The following WWOX variants were observed in gnomAD, a reference collection of about 807,000 sequenced individuals.
WWOX encodes WW domain containing oxidoreductase.
In WWOX, 69 loss-of-function variants were observed where a neutral mutation model predicts 46.2. The ratio of observed to expected loss-of-function variants is 1.49; its 90% CI spans 1.23 to 1.82. WWOX has a LOEUF of 1.82. Among genes scored for constraint, WWOX ranks in the 40% most tolerant of loss-of-function variants. WWOX has a pLI of 0.00. For synonymous variants in WWOX, 359 were observed against 202.6 expected (o/e 1.77, Z -6.56); for missense variants, 919 against 542.6 (o/e 1.69, Z -6.89).
intron 8 of WWOX, among the ~76,000 whole-genome samples, chr16:78,497,117 A>AGTT (rs1476979010): frequency 6.6e-6 from 1 of 152,232 alleles, no homozygotes; most frequent in Non-Finnish European, 1.5e-5. Context: ...ATAAAACAAC[A>AGTT]GATGACCTTC....
At chr16:78,450,151 C>G (rs2083659163) in intron 8 of WWOX, among the ~76,000 whole-genome samples, 1 of 152,228 alleles carries the variant, frequency 6.6e-6, no homozygotes, top group African/African-American at 2.4e-5. Context: ...AATAAAGTAT[C>G]TAATTTAGCA....
intron 8 of WWOX, among the ~76,000 whole-genome samples, chr16:78,990,329 C>G (rs1411544442): frequency 6.6e-6 from 1 of 152,110 alleles, no homozygotes; most frequent in African/African-American, 2.4e-5. Flanking sequence ...ATGGGCTCTG[C>G]AAGATCCTCC....
intron 5 of WWOX, among the ~76,000 whole-genome samples, chr16:78,226,721 G>T (rs1030735198): frequency 6.6e-6 from 1 of 152,014 alleles, no homozygotes. Flanking sequence ...GGTAATAGAC[G>T]CCGGCATGGC....
chr16:78,940,773 T>C (rs1567663940), intron 8 of WWOX, among the ~76,000 whole-genome samples: 1 of 152,054 alleles, frequency 6.6e-6, no homozygotes, highest in East Asian at 1.9e-4. Flanking sequence ...AAGTCCCTGT[T>C]TGTTATCTTA....
intron 5 of WWOX, among the ~76,000 whole-genome samples, chr16:78,354,631 C>T (rs2081248495): frequency 6.6e-6 from 1 of 152,090 alleles, no homozygotes; most frequent in East Asian, 1.9e-4. Context: ...TTCTGAATTC[C>T]TTATTATATT....
intron 8 of WWOX, among the ~76,000 whole-genome samples, chr16:78,876,417 C>G (rs1234745677): frequency 2.0e-5 from 3 of 151,204 alleles, no homozygotes; most frequent in Non-Finnish European, 4.4e-5. Context: ...ATGACAGAAA[C>G]TCACCAGTTC....
At chr16:78,278,774 C>A in intron 5 of WWOX, 1 of 913,694 alleles carries the variant, frequency 1.1e-6, no homozygotes. Flanking sequence ...CAGACATGTA[C>A]GATTTGCAAC....
intron 8 of WWOX, among the ~76,000 whole-genome samples, chr16:78,776,319 G>T (rs1174913899): frequency 6.6e-6 from 1 of 152,146 alleles, no homozygotes; most frequent in Non-Finnish European, 1.5e-5. Context: ...CAGTGGCTGG[G>T]ATAGGACCTT....
intron 8 of WWOX, among the ~76,000 whole-genome samples, chr16:78,659,977 G>T (rs959521397): frequency 6.6e-6 from 1 of 152,124 alleles, no homozygotes; most frequent in African/African-American, 2.4e-5. Flanking sequence ...CCCAGTAATT[G>T]TAGGGCTCAT....
chr16:78,199,743 A>T (rs80027136), intron 5 of WWOX, among the ~76,000 whole-genome samples: 1 of 152,128 alleles, frequency 6.6e-6, no homozygotes, highest in African/African-American at 2.4e-5. Context: ...CATAAAAAAA[A>T]TCACATTTGT....
rs1473869382 is a variant in WWOX, at chr16:79,085,321, T to C, written c.1057-126287T>C. Among the ~76,000 whole-genome samples the C allele has an allele frequency of 3.9e-5, 6 of 152,234 alleles. No homozygotes were observed. In the East Asian group the frequency reaches 1.2e-3, roughly 29 times the overall value. On this transcript the variant is annotated intron_variant, in intron 8 of 8. Coordinates refer to ENST00000566780, the MANE Select transcript of WWOX (RefSeq NM_016373.4). ...GGAGCTACTGTCTAGGTTATTACAGTAGTAATAGTGGCCAAGAAAATGATA... is the reference window on the plus strand; with the variant it reads ...GGAGCTACTGTCTAGGTTATTACAGCAGTAATAGTGGCCAAGAAAATGATA...
At chr16:78,497,600 G>A (rs759681076) in intron 8 of WWOX, among the ~76,000 whole-genome samples, 4 of 152,156 alleles carry the variant, frequency 2.6e-5, no homozygotes, top group Admixed American at 6.5e-5. Flanking sequence ...TACACACAGC[G>A]TAAATGCAAG....
intron 8 of WWOX, among the ~76,000 whole-genome samples, chr16:78,978,670 C>A (rs77710428): frequency 6.6e-6 from 1 of 152,168 alleles, no homozygotes; most frequent in Admixed American, 6.5e-5. Context: ...GGGAAGCAGG[C>A]ACATCTTACA....
At chr16:79,032,059 A>AAC (rs894974749) in intron 8 of WWOX, among the ~76,000 whole-genome samples, 9 of 144,686 alleles carry the variant, frequency 6.2e-5, no homozygotes, top group Admixed American at 2.8e-4. Flanking sequence ...TTCTGTATGT[A>AAC]ATATATATAT....
At chr16:79,022,967 A>G (rs1484250824) in intron 8 of WWOX, among the ~76,000 whole-genome samples, 3 of 152,170 alleles carry the variant, frequency 2.0e-5, no homozygotes, top group African/African-American at 7.2e-5. Flanking sequence ...GGGTTTGGGG[A>G]GGATTAAATA....
chr16:78,420,469 C>T (rs530385270), intron 6 of WWOX, among the ~76,000 whole-genome samples: 2 of 152,196 alleles, frequency 1.3e-5, no homozygotes, highest in African/African-American at 4.8e-5. Flanking sequence ...TATGCTACAA[C>T]ATGGATGAAC....
intron 8 of WWOX, chr16:79,016,019 G>T (rs927070633): frequency 6.6e-6 from 1 of 152,204 alleles, no homozygotes; most frequent in African/African-American, 2.4e-5. Context: ...AGAGCGCTGG[G>T]ATTACAGACG....
Position 78,432,334 on chromosome 16 carries a change from G to A in WWOX, c.792-154G>A, listed in dbSNP as rs11866497. On this transcript the variant is annotated intron_variant, in intron 7 of 8. Transcript: ENST00000566780. ...TTGGCCAGGCTGGTCTTGAACTCCC[G>A]ACCTCAGGTGATCCACTCGTCTAAG... Among the ~76,000 whole-genome samples, 4,565 of 152,098 alleles carry A rather than the reference G, an allele frequency of 0.03. 209 individuals carry two copies. Among genetic ancestry groups the A allele is most frequent in the African/African-American group, 0.1 (4,275 of 41,456 alleles).
chr16:78,114,906 A>T, intron 3 of WWOX, 70 bp from the exon 4 acceptor site: 1 of 1,605,072 alleles, frequency 6.2e-7, no homozygotes, highest in Non-Finnish European at 8.5e-7. Context: ...TTCCTAAAGT[A>T]TAAGATTGTC....
Sources: gnomAD v4.1 joint callset for allele counts (sites outside exome capture counted in the v4.1 genomes callset) on GRCh38, gnomAD v4.1.1 for gene constraint, MANE v1.5 for transcripts, NCBI Gene and HGNC (gene_info 2026-07-23, HGNC 2026-07-21) for gene names.